Variants in KIF26A observed in about 807,000 individuals in gnomAD.
KIF26A encodes the protein kinesin family member 26A.
In KIF26A, 74 loss-of-function variants were observed where a neutral mutation model predicts 126.0. That is an observed-to-expected ratio of 0.59 (90% CI 0.49 to 0.71). The LOEUF is 0.71. KIF26A is among the 30% of genes least tolerant of loss of function. The pLI is 0.00. For missense variants in KIF26A, 2,984 were observed against 2,763.3 expected (o/e 1.08, Z -1.79); for synonymous variants, 1,445 against 1,232.7 (o/e 1.17, Z -3.61).
At position 104,180,187 on chromosome 14, in the gene KIF26A, TGTGGA is replaced by T. The variant is rs3042568; in HGVS notation, c.*407_*411del. ...GCCTTCTTTGCAGCCAAGCAGTTTT[TGTGGA>T]GTGGAGTGGGACTTACCTGCACGCC... On this transcript the variant is annotated 3_prime_UTR_variant, in exon 15 of 15. Transcript: ENST00000423312. 133,368 of 170,158 alleles carry T rather than the reference TGTGGA, an allele frequency of 0.78. 52,967 individuals carry two copies. The highest frequency in any genetic ancestry group is 0.9 in the African/African-American group (37,463 of 41,840). 10.5% of individuals were successfully genotyped at this position (170,158 alleles called of 1,614,324 possible).
Position 104,179,365 on chromosome 14 carries a change from C to G in KIF26A, c.5446C>G (p.Pro1816Ala), listed in dbSNP as rs2038074849. Reference sequence around the variant, plus strand: ...GACCCAGGGCCGGCTGATGCTGGAGCCTGGCCGCTGGCTGGAGCAGTGTGA... The same window carrying G: ...GACCCAGGGCCGGCTGATGCTGGAGGCTGGCCGCTGGCTGGAGCAGTGTGA... ...AETQGRLMLE[P>A]GRWLEQFEVD... The change falls in exon 14 of 15, where the codon CCT (proline) becomes GCT (alanine). Residue 1816 changes from proline to alanine, a missense_variant. By Grantham distance (27) the Pro-to-Ala change is conservative. Coordinates refer to ENST00000423312, the MANE Select transcript of KIF26A (RefSeq NM_015656.2). 6.5e-7 allele frequency: 1 copy of G among 1,532,406 alleles called. No individual in the cohort carries two copies. Among genetic ancestry groups the G allele is most frequent in the Non-Finnish European group, 8.7e-7 (1 of 1,142,968 alleles). 94.9% of individuals were successfully genotyped at this position (1,532,406 alleles called of 1,614,324 possible).
Position 104,157,787 on chromosome 14 carries a change from A to G in KIF26A, c.768A>G (p.Ala256=). ...CAGCGGTGGCGGCCGTGGCGGTGGCAGACACGGTCCGAGAATGCCCCCCCG... is the reference window on the plus strand; with the variant it reads ...CAGCGGTGGCGGCCGTGGCGGTGGCGGACACGGTCCGAGAATGCCCCCCCG... The part of the protein sequence containing the change: ...AEAAVAAVAV[A]DTVRECPPVA... Residue 256 remains alanine (A), a synonymous_variant, in exon 4 of 15, where the codon GCA becomes GCG. Coordinates refer to ENST00000423312, the MANE Select transcript of KIF26A (RefSeq NM_015656.2). 6.2e-7 allele frequency: 1 copy of G among 1,610,562 alleles called. No individual in the cohort carries two copies. Among genetic ancestry groups the G allele is most frequent in the South Asian group, 1.1e-5 (1 of 90,856 alleles).
At chr14:104,168,236 C>T (rs2037925065) in intron 5 of KIF26A, among the ~76,000 whole-genome samples, 1 of 152,208 alleles carries the variant, frequency 6.6e-6, no homozygotes, top group Non-Finnish European at 1.5e-5. Context: ...CGGGGAAGGG[C>T]TGTAAGTGAC....
At chr14:104,158,598 G>T (rs938418248) in intron 4 of KIF26A, among the ~76,000 whole-genome samples, 1 of 152,284 alleles carries the variant, frequency 6.6e-6, no homozygotes, top group South Asian at 2.1e-4. Flanking sequence ...CCCCGAGCTC[G>T]GGGTGCCTGG....
rs537157716 is a variant in KIF26A at position 104,171,847 on chromosome 14, C to T, written c.1238C>T (p.Pro413Leu). 13 of 1,555,402 alleles carry T rather than the reference C, an allele frequency of 8.4e-6. No homozygotes were observed. Among genetic ancestry groups the T allele is most frequent in the Non-Finnish European group, 1.1e-5 (13 of 1,150,688 alleles). Residue 413 changes from proline to leucine, a missense_variant, in exon 6 of 15, where the codon CCA (proline) becomes CTA (leucine). Pro to Leu is a moderately conservative substitution (Grantham distance 98). Coordinates refer to ENST00000423312, the MANE Select transcript of KIF26A (RefSeq NM_015656.2). The stretch of plus-strand genomic sequence containing the variant: ...CTCTACGATCCCGCCGCCGGTCCCC[C>T]AGGCAGCGCAGGCCCCCGGCGAGCC... ...VILYDPAAGP[P>L]GSAGPRRAAT...
chr14:104,172,236 C>T (rs979146617), intron 6 of KIF26A, among the ~76,000 whole-genome samples: 1 of 152,258 alleles, frequency 6.6e-6, no homozygotes, highest in Non-Finnish European at 1.5e-5. Context: ...TCTGGGGGCG[C>T]CCGGTGCTCC....
chr14:104,176,114 C>G lies in KIF26A; in HGVS notation c.3326C>G (p.Ser1109Cys), dbSNP rs2038022283. Reference protein sequence around the residue: ...AAWAGSSHGSSISSWLSEVSV... With the variant: ...AAWAGSSHGSCISSWLSEVSV... ...TGGGCCGGCAGCAGTCACGGCTCCT[C>G]CATCAGCTCCTGGCTCAGCGAGGTC... Residue 1109 changes from serine to cysteine, a missense_variant, in exon 12 of 15, where the codon TCC (serine) becomes TGC (cysteine). Ser to Cys is a moderately radical substitution (Grantham distance 112). Coordinates refer to ENST00000423312, the MANE Select transcript of KIF26A (RefSeq NM_015656.2). The G allele has an allele frequency of 6.3e-7, 1 of 1,583,010 alleles. No homozygotes were observed. Among genetic ancestry groups the G allele is most frequent in the Non-Finnish European group, 8.6e-7 (1 of 1,165,430 alleles).
chr14:104,156,425 C>G (rs937964539), intron 3 of KIF26A, among the ~76,000 whole-genome samples: 11 of 150,540 alleles, frequency 7.3e-5, no homozygotes, highest in Middle Eastern at 3.4e-3. Context: ...CAGGTTCGCC[C>G]TTTTCTGCTA....
rs541107684 is a variant in KIF26A at position 104,158,483 on chromosome 14, G to A, written c.923+541G>A. Among the ~76,000 whole-genome samples, 248 of 152,348 alleles carry A rather than the reference G, an allele frequency of 1.6e-3. 1 individual carries two copies. The highest frequency in any genetic ancestry group is 2.7e-3 in the Non-Finnish European group (184 of 68,026). On this transcript the variant is annotated intron_variant, in intron 4 of 14. Coordinates refer to ENST00000423312, the MANE Select transcript of KIF26A (RefSeq NM_015656.2). The stretch of plus-strand genomic sequence containing the variant: ...AGGGGAGGGGCAGCAGGGCTTGAGC[G>A]GGTGCCCACGGTGCCAGCCGGGCTT...
chr14:104,179,382 G>A lies in KIF26A; in HGVS notation c.5463G>A (p.Glu1821=), dbSNP rs2038075198. The A allele has an allele frequency of 1.3e-6, 2 of 1,520,114 alleles. No homozygotes were observed. Among genetic ancestry groups the A allele is most frequent in the South Asian group, 1.3e-5 (1 of 79,722 alleles). The allele number at this position is 1,520,114 out of a possible 1,614,324, so 94.2% of individuals were successfully genotyped here. A position where few individuals can be genotyped will look rare whatever the true frequency, so the allele number is the denominator to read the frequency against. ...RLMLEPGRWL[E]QFEVDPELEP... ...TGCTGGAGCCTGGCCGCTGGCTGGA[G>A]CAGTGTGAGTCCCGCCCGCCCACGG... Residue 1821 remains glutamate, a synonymous_variant, in exon 14 of 15, where the codon GAG becomes GAA. Transcript: ENST00000423312.
At chr14:104,146,325 C>T (rs994529929) in intron 2 of KIF26A, among the ~76,000 whole-genome samples, 2 of 152,074 alleles carry the variant, frequency 1.3e-5, no homozygotes, top group Admixed American at 6.5e-5. Context: ...CCTGGTCCTG[C>T]CCAACTTCCT....
chr14:104,145,454 G>A (rs551867832), intron 2 of KIF26A, among the ~76,000 whole-genome samples: 1 of 152,236 alleles, frequency 6.6e-6, no homozygotes, highest in African/African-American at 2.4e-5. Flanking sequence ...CCAGCCCGGT[G>A]CCCGGGGCTG....
At chr14:104,172,477 G>A (rs2037969203) in intron 6 of KIF26A, 98 bp from the exon 7 acceptor site, 4 of 783,422 alleles carry the variant, frequency 5.1e-6, no homozygotes, top group Middle Eastern at 2.6e-4. Flanking sequence ...CTCCTTGTGG[G>A]TCGACTGCCT....
At position 104,138,748 on chromosome 14, in the gene KIF26A, G is replaced by A; in HGVS notation, c.26G>A (p.Cys9Tyr). 1 of 1,266,180 alleles carries A rather than the reference G, an allele frequency of 7.9e-7. No individual in the cohort carries two copies. Among genetic ancestry groups the A allele is most frequent in the Non-Finnish European group, 9.9e-7 (1 of 1,008,604 alleles). The allele number at this position is 1,266,180 out of a possible 1,614,324, so 78.4% of individuals were successfully genotyped here. A position where few individuals can be genotyped will look rare whatever the true frequency, so the allele number is the denominator to read the frequency against. MVGRGVPL[C>Y]AAQPAVAEGG... is the part of the protein sequence containing the mutation. Reference sequence around the variant, plus strand: ...ATGGTCGGCCGCGGCGTCCCTCTGTGCGCTGCGCAGCCCGCGGTACGCGCG... The same window carrying A: ...ATGGTCGGCCGCGGCGTCCCTCTGTACGCTGCGCAGCCCGCGGTACGCGCG... The change falls in exon 1 of 15, where the codon TGC becomes TAC. Residue 9 changes from cysteine (C) to tyrosine (Y), a missense_variant. Transcript: ENST00000423312.
intron 3 of KIF26A, among the ~76,000 whole-genome samples, chr14:104,156,244 G>A (rs2037776116): frequency 6.6e-6 from 1 of 152,224 alleles, no homozygotes; most frequent in Non-Finnish European, 1.5e-5. Context: ...TTGATAGGGA[G>A]CACATACATT....
Position 104,164,756 on chromosome 14 carries a change from T to C in KIF26A, c.924-2103T>C, listed in dbSNP as rs376737543. 5.4e-4 allele frequency among the ~76,000 whole-genome samples: 81 copies of C among 148,728 alleles called. 1 individual carries two copies. The highest frequency in any genetic ancestry group is 2.0e-3 in the African/African-American group (76 of 38,502). ...GTGTGTGTGCGCGTGTCTGTGTGTG[T>C]GCGCGTGTCTGTGTGTGCATCTCTG... On this transcript the variant is annotated intron_variant, in intron 4 of 14. Transcript: ENST00000423312.
intron 4 of KIF26A, among the ~76,000 whole-genome samples, chr14:104,160,458 T>A (rs897055488): frequency 6.6e-6 from 1 of 152,102 alleles, no homozygotes; most frequent in Non-Finnish European, 1.5e-5. Flanking sequence ...GTTTCGTTAA[T>A]GCTAACAGGG....
intron 2 of KIF26A, among the ~76,000 whole-genome samples, chr14:104,144,593 C>T (rs762849918): frequency 1.1e-4 from 17 of 152,210 alleles, no homozygotes; most frequent in Admixed American, 5.2e-4. Flanking sequence ...TGGTTTTTCC[C>T]TTAAGTAACA....
chr14:104,162,925 G>A (rs543005810), intron 4 of KIF26A, among the ~76,000 whole-genome samples: 5 of 151,960 alleles, frequency 3.3e-5, no homozygotes, highest in Non-Finnish European at 7.4e-5. Flanking sequence ...CCTTCCCCCC[G>A]CCCCGCCCCA....
Sources: allele counts gnomAD v4.1 joint callset (sites outside exome capture counted in the v4.1 genomes callset), GRCh38; gene constraint gnomAD v4.1.1; transcripts MANE v1.5; gene names NCBI Gene and HGNC (gene_info 2026-07-23, HGNC 2026-07-21).